Variants in ASTN2 observed in about 807,000 individuals in gnomAD.
ASTN2 encodes the protein astrotactin-2.
A neutral mutation model predicts 139.8 loss-of-function variants in ASTN2; 54 were observed. The observed-to-expected ratio is 0.39, with a 90% CI of 0.31 to 0.48. The LOEUF (loss-of-function observed/expected upper bound fraction) is 0.48. Ranked by LOEUF, ASTN2 falls within the 20% of genes least tolerant of loss-of-function variation. The probability of loss-of-function intolerance (pLI) is 0.95; values close to 1 mark genes in which losing one functional copy is unlikely to be tolerated. For synonymous variants in ASTN2, 756 were observed against 719.5 expected, an observed-to-expected ratio of 1.05 and a Z score of -0.81; for missense variants, 1,565 against 1,725.1, an observed-to-expected ratio of 0.91 and a Z score of 1.64.
chr9:116,455,147 G>A (rs1204675430), intron 20 of ASTN2, among the ~76,000 whole-genome samples: 1 of 151,922 alleles, frequency 6.6e-6, no homozygotes, highest in Non-Finnish European at 1.5e-5. Flanking sequence ...TCAGGAGTTC[G>A]AGACCAGCCT....
intron 2 of ASTN2, among the ~76,000 whole-genome samples, chr9:117,274,908 C>A (rs145515476): frequency 1.3e-5 from 2 of 152,202 alleles, no homozygotes; most frequent in Non-Finnish European, 2.9e-5. Flanking sequence ...AATACAGTCA[C>A]GTTAGGGGTT....
At chr9:117,091,204 A>C (rs1469192014) in intron 5 of ASTN2, among the ~76,000 whole-genome samples, 1 of 152,218 alleles carries the variant, frequency 6.6e-6, no homozygotes, top group East Asian at 1.9e-4. Context: ...CAGACAGAAA[A>C]TCAGCCTCCA....
intron 2 of ASTN2, among the ~76,000 whole-genome samples, chr9:117,286,115 A>C (rs1834443213): frequency 6.6e-6 from 1 of 152,220 alleles, no homozygotes; most frequent in Non-Finnish European, 1.5e-5. Context: ...AGGAAAGAGT[A>C]GAATTATATG....
chr9:117,296,164 G>A (rs970245671), intron 1 of ASTN2, among the ~76,000 whole-genome samples: 5 of 151,020 alleles, frequency 3.3e-5, no homozygotes, highest in African/African-American at 1.2e-4. Flanking sequence ...TGTAGTCCCA[G>A]CTACTCGGAA....
rs3019 is a variant in ASTN2 at position 116,699,833 on chromosome 9, C to T, written c.2806+25938G>A. 0.92 allele frequency: 1,153,417 copies of T among 1,250,184 alleles called. 532,553 individuals are homozygous for T. Among genetic ancestry groups the T allele is most frequent in the African/African-American group, 0.98 (64,729 of 66,248 alleles). 77.4% of individuals were successfully genotyped at this position (1,250,184 alleles called of 1,614,324 possible). A position where few individuals can be genotyped will look rare whatever the true frequency, so the allele number is the denominator to read the frequency against. ...TTCCAGCTGGGTAGTTCTAGAACTT[C>T]AGAAGCTCCATCTTTTAATGTTTTT... is the stretch of plus-strand genomic sequence containing the variant. On this transcript the variant is annotated intron_variant, in intron 16 of 22. Coordinates refer to ENST00000313400, the MANE Select transcript of ASTN2 (RefSeq NM_001365068.1). The surrounding 1 kb of genome is among the most constrained non-coding windows in gnomAD (Gnocchi z 4.2).
At chr9:116,459,791 A>C (rs1032413334) in intron 20 of ASTN2, among the ~76,000 whole-genome samples, 5 of 152,010 alleles carry the variant, frequency 3.3e-5, no homozygotes, top group African/African-American at 1.2e-4. Flanking sequence ...AAATCCTCAT[A>C]TATTGGTGGT....
At chr9:117,326,763 G>C (rs896698857) in intron 1 of ASTN2, among the ~76,000 whole-genome samples, 1 of 152,180 alleles carries the variant, frequency 6.6e-6, no homozygotes, top group Non-Finnish European at 1.5e-5. Flanking sequence ...AGTGCCAAGA[G>C]AGAGTATCTT....
intron 10 of ASTN2, among the ~76,000 whole-genome samples, chr9:116,864,312 G>T (rs1253609295): frequency 1.3e-5 from 2 of 152,126 alleles, no homozygotes; most frequent in African/African-American, 2.4e-5. Flanking sequence ...ACAAACGCAG[G>T]AGTCTGACCC....
chr9:117,027,023 T>C (rs1416550219), intron 6 of ASTN2, among the ~76,000 whole-genome samples: 2 of 152,114 alleles, frequency 1.3e-5, no homozygotes, highest in Non-Finnish European at 2.9e-5. Context: ...AAATTAGACA[T>C]TGAAGAAGTA....
chr9:116,737,690 T>C (rs1828976302), intron 13 of ASTN2, among the ~76,000 whole-genome samples: 1 of 150,300 alleles, frequency 6.7e-6, no homozygotes, highest in Admixed American at 6.6e-5. Context: ...ATAATGATAA[T>C]ATTTACAGAG....
intron 1 of ASTN2, among the ~76,000 whole-genome samples, chr9:117,301,401 G>A (rs1036498669): frequency 1.3e-5 from 2 of 152,142 alleles, no homozygotes; most frequent in African/African-American, 2.4e-5. Flanking sequence ...ACCTACTTAC[G>A]TGCCAGGCTA....
At chr9:117,412,976 C>T (rs1443946484) in intron 1 of ASTN2, among the ~76,000 whole-genome samples, 1 of 152,084 alleles carries the variant, frequency 6.6e-6, no homozygotes, top group Non-Finnish European at 1.5e-5. Flanking sequence ...GTGCTTGGTG[C>T]GTCGCACCCC....
Position 117,099,437 on chromosome 9 carries a change from C to A in ASTN2, c.1169-3286G>T, listed in dbSNP as rs534949021. On this transcript the variant is annotated intron_variant, in intron 4 of 22. Transcript: ENST00000313400. ...CCTGTTATGGCCCTACCATGGTGAA[C>A]AAATCTGGCTTACAGGAATCAGACT... 2.0e-5 allele frequency among the ~76,000 whole-genome samples: 3 copies of A among 152,246 alleles called. No homozygotes were observed. The South Asian group carries it at 6.2e-4, about 32-fold the overall frequency.
chr9:116,606,713 A>C (rs1020630144), intron 19 of ASTN2, among the ~76,000 whole-genome samples: 2 of 151,992 alleles, frequency 1.3e-5, no homozygotes, highest in East Asian at 3.9e-4. Context: ...TCATGGAAAT[A>C]GGAAACAACA....
chr9:117,152,423 C>G (rs1328990880), intron 3 of ASTN2, among the ~76,000 whole-genome samples: 3 of 152,124 alleles, frequency 2.0e-5, no homozygotes, highest in Non-Finnish European at 4.4e-5. Flanking sequence ...CATCCAGTCC[C>G]ATTCATGGTT....
At chr9:116,933,651 AG>A (rs201148535) in intron 10 of ASTN2, among the ~76,000 whole-genome samples, 4,599 of 151,292 alleles carry the variant, frequency 0.03, 254 homozygotes, top group African/African-American at 0.11. Flanking sequence ...AATTTTATTA[AG>A]GAAAAAAAAA....
At chr9:116,487,053 A>T (rs1284353117) in intron 20 of ASTN2, among the ~76,000 whole-genome samples, 1 of 152,192 alleles carries the variant, frequency 6.6e-6, no homozygotes, top group Non-Finnish European at 1.5e-5. Flanking sequence ...ACCATCCTTG[A>T]TAACTTCATC....
chr9:116,783,719 G>A (rs1185054155), intron 13 of ASTN2, among the ~76,000 whole-genome samples: 2 of 152,136 alleles, frequency 1.3e-5, no homozygotes, highest in East Asian at 1.9e-4. Flanking sequence ...CTAAGCTACT[G>A]CCTAAACTGT....
intron 10 of ASTN2, among the ~76,000 whole-genome samples, chr9:116,892,357 A>G (rs967804380): frequency 1.3e-5 from 2 of 152,182 alleles, no homozygotes; most frequent in Admixed American, 6.6e-5. Flanking sequence ...TCATGCCCAA[A>G]TTGACAGAGT....
Sources: allele counts gnomAD v4.1 joint callset (sites outside exome capture counted in the v4.1 genomes callset), GRCh38; gene constraint gnomAD v4.1.1; non-coding constraint Gnocchi (gnomAD v3.1); transcripts MANE v1.5; gene names NCBI Gene and HGNC (gene_info 2026-07-23, HGNC 2026-07-21).